The following FRMD4A variants were observed in gnomAD, a reference collection of about 807,000 sequenced individuals.
FRMD4A encodes FERM domain-containing protein 4A.
In FRMD4A, 29 loss-of-function variants were observed where a neutral mutation model predicts 129.1. The observed-to-expected ratio is 0.22, with a 90% CI of 0.17 to 0.31. The LOEUF (loss-of-function observed/expected upper bound fraction) is 0.31, where lower values mean the gene tolerates loss of function less well. Ranked by LOEUF, FRMD4A falls within the 10% of genes least tolerant of loss-of-function variation. The pLI, the probability that FRMD4A is intolerant of heterozygous loss-of-function variation, is 1.00. For synonymous variants in FRMD4A, 634 were observed against 571.6 expected, an observed-to-expected ratio of 1.11 and a Z score of -1.56; for missense variants, 1,272 against 1,375.8, an observed-to-expected ratio of 0.92 and a Z score of 1.19.
At chr10:13,798,634 A>G (rs7085057) in intron 4 of FRMD4A, among the ~76,000 whole-genome samples, 80,678 of 152,064 alleles carry the variant, frequency 0.53, 24,161 homozygotes, top group Non-Finnish European at 0.67. Flanking sequence ...GGAGAATGGC[A>G]TGAACCTGGG....
At chr10:13,721,891 A>T (rs1245800402) in intron 12 of FRMD4A, among the ~76,000 whole-genome samples, 4 of 152,242 alleles carry the variant, frequency 2.6e-5, no homozygotes, top group Non-Finnish European at 5.9e-5. Flanking sequence ...ATACAGAGGA[A>T]ATTCTCTCAG....
intron 3 of FRMD4A, among the ~76,000 whole-genome samples, chr10:13,838,275 T>TC (rs1491251033): frequency 7.2e-6 from 1 of 138,448 alleles, no homozygotes; most frequent in African/African-American, 2.7e-5. Flanking sequence ...TTTTTTTTTT[T>TC]AGAAATGGGG....
At chr10:13,979,439 A>G (rs2095553130) in intron 2 of FRMD4A, among the ~76,000 whole-genome samples, 2 of 152,190 alleles carry the variant, frequency 1.3e-5, no homozygotes, top group Admixed American at 1.3e-4. Flanking sequence ...CTTTCCAAAG[A>G]GGAATTAAGA....
intron 2 of FRMD4A, among the ~76,000 whole-genome samples, chr10:14,027,948 T>C (rs1240585753): frequency 6.6e-6 from 1 of 152,150 alleles, no homozygotes; most frequent in Non-Finnish European, 1.5e-5. Flanking sequence ...CCACTTGGAG[T>C]AACTGGGTAC....
intron 2 of FRMD4A, among the ~76,000 whole-genome samples, chr10:13,878,272 T>A (rs898432489): frequency 6.6e-6 from 1 of 150,540 alleles, no homozygotes; most frequent in Non-Finnish European, 1.5e-5. Flanking sequence ...GTTTGGGCTG[T>A]TTCCATGAAA....
chr10:14,161,506 C>G (rs1483976298), intron 2 of FRMD4A, among the ~76,000 whole-genome samples: 2 of 152,148 alleles, frequency 1.3e-5, no homozygotes, highest in Non-Finnish European at 2.9e-5. Context: ...GAATGAAATC[C>G]TGCCATTTGC....
intron 2 of FRMD4A, among the ~76,000 whole-genome samples, chr10:14,263,302 T>C (rs1230850343): frequency 6.6e-6 from 1 of 152,174 alleles, no homozygotes; most frequent in Non-Finnish European, 1.5e-5. Flanking sequence ...AAACAGGGCA[T>C]ATGGCTTTGA....
intron 2 of FRMD4A, among the ~76,000 whole-genome samples, chr10:14,133,604 C>T (rs1239535343): frequency 6.6e-6 from 1 of 152,224 alleles, no homozygotes; most frequent in African/African-American, 2.4e-5. Flanking sequence ...TGCCAACACA[C>T]TCATCCTTTG....
At chr10:13,981,781 G>A (rs1021241438) in intron 2 of FRMD4A, among the ~76,000 whole-genome samples, 1 of 149,294 alleles carries the variant, frequency 6.7e-6, no homozygotes, top group East Asian at 2.0e-4. Flanking sequence ...GGCCAAAGCA[G>A]GCTGGAGACT....
chr10:13,689,954 G>T (rs567057029), intron 15 of FRMD4A, among the ~76,000 whole-genome samples: 10 of 152,188 alleles, frequency 6.6e-5, no homozygotes, highest in Non-Finnish European at 1.3e-4. Context: ...AACACCTATT[G>T]GGTGTTGGGT....
At chr10:14,091,565 C>T (rs185191346) in intron 2 of FRMD4A, among the ~76,000 whole-genome samples, 1 of 152,308 alleles carries the variant, frequency 6.6e-6, no homozygotes, top group African/African-American at 2.4e-5. Flanking sequence ...TCCTGAGTAG[C>T]TGGGACTACA....
At chr10:14,296,481 A>C (rs763229739) in intron 2 of FRMD4A, among the ~76,000 whole-genome samples, 1 of 151,770 alleles carries the variant, frequency 6.6e-6, no homozygotes. Context: ...TGCCTTTGTG[A>C]CTCGCCTCCA....
At chr10:13,675,397 C>T (rs905703605) in intron 15 of FRMD4A, among the ~76,000 whole-genome samples, 7 of 152,152 alleles carry the variant, frequency 4.6e-5, no homozygotes, top group South Asian at 2.1e-4. Context: ...AATTTTAATA[C>T]GTATTGAGTT....
chr10:14,187,112 C>CCT (rs1842170137), intron 2 of FRMD4A, among the ~76,000 whole-genome samples: 1 of 122,784 alleles, frequency 8.1e-6, no homozygotes, highest in Non-Finnish European at 1.6e-5. Context: ...GAGCAAGGCT[C>CCT]TGTCTCAAAG....
intron 2 of FRMD4A, among the ~76,000 whole-genome samples, chr10:14,302,974 A>C (rs1846232796): frequency 6.6e-6 from 1 of 152,200 alleles, no homozygotes; most frequent in Non-Finnish European, 1.5e-5. Context: ...GTGGGTAGGG[A>C]AACAAGACAT....
chr10:13,656,498 A>G, intron 22 of FRMD4A, 138 bp downstream of exon 22: 1 of 1,044,310 alleles, frequency 9.6e-7, no homozygotes, highest in Non-Finnish European at 1.2e-6. Context: ...ATCTAACAGC[A>G]GCGTTCCCAG....
chr10:14,252,971 G>C (rs1844490162), intron 2 of FRMD4A, among the ~76,000 whole-genome samples: 1 of 152,000 alleles, frequency 6.6e-6, no homozygotes, highest in Middle Eastern at 3.2e-3. Flanking sequence ...TTATATCAGT[G>C]TAGACTCATG....
chr10:13,891,539 C>T, intron 2 of FRMD4A: 1 of 927,402 alleles, frequency 1.1e-6, no homozygotes, highest in Non-Finnish European at 1.3e-6. Context: ...TCCCTTTTCC[C>T]CGGCCCAGCG....
chr10:14,098,896 A>C (rs929424144), intron 2 of FRMD4A, among the ~76,000 whole-genome samples: 3 of 152,308 alleles, frequency 2.0e-5, no homozygotes, highest in Admixed American at 1.3e-4. Flanking sequence ...AGTCAATGGA[A>C]CCTGGATTGG....
Sources: gnomAD v4.1 joint callset for allele counts (sites outside exome capture counted in the v4.1 genomes callset) on GRCh38, gnomAD v4.1.1 for gene constraint, MANE v1.5 for transcripts, NCBI Gene and HGNC (gene_info 2026-07-23, HGNC 2026-07-21) for gene names.